The following PHLPP1 variants were observed in gnomAD, a reference collection of about 807,000 sequenced individuals.
The protein encoded by PHLPP1 is PH domain and leucine rich repeat protein phosphatase 1, also known as PH domain leucine-rich repeat-containing protein phosphatase 1.
Under a neutral mutation model 117.2 loss-of-function variants are expected in PHLPP1, and 42 were observed. The ratio of observed to expected loss-of-function variants is 0.36; its 90% CI spans 0.28 to 0.46. PHLPP1 has a LOEUF of 0.46. Ranked by LOEUF, PHLPP1 falls within the 20% of genes least tolerant of loss-of-function variation. The pLI is 1.00. For synonymous variants in PHLPP1, 1,042 were observed against 970.7 expected (o/e 1.07, Z -1.37); for missense variants, 2,084 against 2,241.9 (o/e 0.93, Z 1.42).
chr18:62,725,677 C>CA (rs1911049108), intron 1 of PHLPP1, among the ~76,000 whole-genome samples: 1 of 152,030 alleles, frequency 6.6e-6, no homozygotes, highest in African/African-American at 2.4e-5. Flanking sequence ...CTCTCATTAG[C>CA]AAAAAGATAG....
intron 10 of PHLPP1, among the ~76,000 whole-genome samples, chr18:62,933,081 G>A (rs1001460522): frequency 3.3e-5 from 5 of 152,104 alleles, no homozygotes; most frequent in African/African-American, 1.2e-4. Flanking sequence ...TCTAGAAGGA[G>A]AACTATAAGA....
chr18:62,877,668 G>A (rs1916081842), intron 4 of PHLPP1, among the ~76,000 whole-genome samples: 1 of 152,140 alleles, frequency 6.6e-6, no homozygotes, highest in Non-Finnish European at 1.5e-5. Flanking sequence ...ATACAGCTTT[G>A]CTTTTCAGAT....
chr18:62,920,212 A>G (rs1909421528), intron 10 of PHLPP1, 98 bp downstream of exon 10: 5 of 1,131,402 alleles, frequency 4.4e-6, no homozygotes, highest in Non-Finnish European at 1.3e-6. Context: ...CTTTCTGAGT[A>G]TGTATCTGTC....
intron 2 of PHLPP1, among the ~76,000 whole-genome samples, chr18:62,836,189 C>T (rs1338439526): frequency 1.3e-5 from 2 of 151,680 alleles, no homozygotes; most frequent in African/African-American, 2.4e-5. Context: ...GTAATCCCAG[C>T]ACTTGAGAGG....
intron 1 of PHLPP1, among the ~76,000 whole-genome samples, chr18:62,775,837 T>G (rs570188432): frequency 1.3e-5 from 2 of 152,306 alleles, no homozygotes; most frequent in Non-Finnish European, 2.9e-5. Flanking sequence ...CATGCCACTT[T>G]GCAATGTTTA....
At chr18:62,772,827 T>G (rs1363343506) in intron 1 of PHLPP1, among the ~76,000 whole-genome samples, 1 of 102,380 alleles carries the variant, frequency 9.8e-6, no homozygotes, top group Non-Finnish European at 1.8e-5. Context: ...CAAGACTCTT[T>G]CTCAAAAAAA....
At chr18:62,958,808 G>C (rs1910692658) in intron 13 of PHLPP1, 49 bp downstream of exon 13, 1 of 1,600,628 alleles carries the variant, frequency 6.2e-7, no homozygotes, top group Admixed American at 1.7e-5. Context: ...CACTGGCAAT[G>C]GGATTCATAT....
intron 1 of PHLPP1, among the ~76,000 whole-genome samples, chr18:62,742,591 A>G (rs1364830653): frequency 6.6e-6 from 1 of 152,150 alleles, no homozygotes; most frequent in Non-Finnish European, 1.5e-5. Context: ...GCCCACCGCC[A>G]TGCCTGGCTA....
intron 1 of PHLPP1, among the ~76,000 whole-genome samples, chr18:62,800,396 A>T (rs947362662): frequency 6.6e-6 from 1 of 152,182 alleles, no homozygotes; most frequent in African/African-American, 2.4e-5. Context: ...TTGTGGTTTG[A>T]TTATTTTTAG....
chr18:62,854,067 G>T (rs1915432970), intron 3 of PHLPP1, among the ~76,000 whole-genome samples: 2 of 152,210 alleles, frequency 1.3e-5, no homozygotes, highest in African/African-American at 4.8e-5. Flanking sequence ...TTGCTAGTAA[G>T]TAGAACTGTT....
chr18:62,732,074 A>G (rs775508660), intron 1 of PHLPP1, among the ~76,000 whole-genome samples: 8 of 152,238 alleles, frequency 5.3e-5, no homozygotes, highest in Non-Finnish European at 8.8e-5. Context: ...ATCTGCAGCA[A>G]GTTATCTGGA....
intron 4 of PHLPP1, among the ~76,000 whole-genome samples, chr18:62,881,845 C>T (rs1916181140): frequency 6.6e-6 from 1 of 152,134 alleles, no homozygotes; most frequent in South Asian, 2.1e-4. Flanking sequence ...AGTTACAGGC[C>T]AATGGAGTTT....
chr18:62,813,178 C>T (rs1038877888), intron 1 of PHLPP1, among the ~76,000 whole-genome samples: 13 of 152,204 alleles, frequency 8.5e-5, no homozygotes, highest in Non-Finnish European at 1.8e-4. Context: ...GCTCCTGGAA[C>T]TGAGCTGAAG....
At chr18:62,779,639 A>C (rs181050685) in intron 1 of PHLPP1, 2 of 152,306 alleles carry the variant, frequency 1.3e-5, no homozygotes, top group East Asian at 3.9e-4. Context: ...GTAGTACAGA[A>C]TTTAATTATG....
intron 10 of PHLPP1, among the ~76,000 whole-genome samples, chr18:62,937,356 G>C (rs1031653228): frequency 6.6e-6 from 1 of 152,196 alleles, no homozygotes; most frequent in Admixed American, 6.5e-5. Flanking sequence ...GCTGAGAGAA[G>C]TTCTTGAGTA....
At chr18:62,754,451 A>ATTTTT (rs1911950703) in intron 1 of PHLPP1, among the ~76,000 whole-genome samples, 1 of 152,218 alleles carries the variant, frequency 6.6e-6, no homozygotes, top group Admixed American at 6.5e-5. Flanking sequence ...TTTCAGTGTA[A>ATTTTT]TAAAATGTGT....
chr18:62,770,680 T>C (rs923551100), intron 1 of PHLPP1, among the ~76,000 whole-genome samples: 2 of 152,130 alleles, frequency 1.3e-5, no homozygotes, highest in Non-Finnish European at 2.9e-5. Flanking sequence ...CTTACACAGA[T>C]TGAATATTCC....
chr18:62,809,641 G>A (rs1914054574), intron 1 of PHLPP1, among the ~76,000 whole-genome samples: 1 of 152,078 alleles, frequency 6.6e-6, no homozygotes, highest in Non-Finnish European at 1.5e-5. Flanking sequence ...GGCGGAGCTT[G>A]CGGTGAGCTG....
rs1599009569 is a variant in PHLPP1 at position 62,716,459 on chromosome 18, A to G, written c.776A>G (p.Glu259Gly). 7.7e-7 allele frequency: 1 copy of G among 1,294,090 alleles called. No homozygotes were observed. Among genetic ancestry groups the G allele is most frequent in the Non-Finnish European group, 9.8e-7 (1 of 1,024,742 alleles). The allele number at this position is 1,294,090 out of a possible 1,614,324, so 80.2% of individuals were successfully genotyped here. A position where few individuals can be genotyped will look rare whatever the true frequency, so the allele number is the denominator to read the frequency against. ...GQGPGAAAAREPAEPPPEAGP... is the reference protein window; with the variant it reads ...GQGPGAAAARGPAEPPPEAGP... ...GGGCCCGGAGCCGCCGCCGCCCGGG[A>G]GCCCGCTGAACCGCCCCCCGAGGCC... Residue 259 changes from glutamate to glycine, a missense_variant, in exon 1 of 17, where the codon GAG becomes GGG. By Grantham distance (98) the Glu-to-Gly change is moderately conservative. Transcript: ENST00000262719. This position sits in a 1 kb window ranked among gnomAD's most constrained non-coding sequence, Gnocchi z 5.7.
Sources: gnomAD v4.1 joint callset for allele counts (sites outside exome capture counted in the v4.1 genomes callset) on GRCh38, gnomAD v4.1.1 for gene constraint, Gnocchi (gnomAD v3.1) non-coding constraint, MANE v1.5 for transcripts, NCBI Gene and HGNC (gene_info 2026-07-23, HGNC 2026-07-21) for gene names.